The following B3GNT6 variants were observed in gnomAD, a reference collection of about 807,000 sequenced individuals.
B3GNT6 encodes acetylgalactosaminyl-O-glycosyl-glycoprotein beta-1,3-N-acetylglucosaminyltransferase.
For synonymous variants in B3GNT6, 300 were observed against 270.0 expected (o/e 1.11, Z -1.09); for missense variants, 624 against 568.6 (o/e 1.10, Z -0.99).
Position 77,040,327 on chromosome 11 carries a change from A to G in B3GNT6, c.776A>G (p.Asp259Gly). Residue 259 changes from aspartate (D) to glycine (G), a missense_variant, in exon 2 of 2, where the codon GAC becomes GGC. Transcript: ENST00000622824. ...QLMEGSVPIRDSWSKYFVPPQ... is the reference protein window; with the variant it reads ...QLMEGSVPIRGSWSKYFVPPQ... ...ATGGAGGGCTCCGTGCCCATCCGCG[A>G]CAGCTGGAGCAAGTACTTCGTGCCG... is the stretch of plus-strand genomic sequence containing the variant. 1.9e-6 allele frequency: 3 copies of G among 1,565,282 alleles called. No individual in the cohort carries two copies. Among genetic ancestry groups the G allele is most frequent in the Non-Finnish European group, 1.7e-6 (2 of 1,163,432 alleles).
chr11:77,037,860 C>A (rs1410785386), intron 1 of B3GNT6, among the ~76,000 whole-genome samples: 1 of 138,706 alleles, frequency 7.2e-6, no homozygotes. Context: ...CTGCAGTGAG[C>A]CACGATCACA....
rs1949683790 is a variant in B3GNT6, at chr11:77,041,103, G to A, written c.*397G>A. On this transcript the variant is annotated 3_prime_UTR_variant, in exon 2 of 2. Transcript: ENST00000622824. ...AGTGGAGCAAGGGAGACCTGGGAGCGTGGGAGCCAGGATCAGCGCCCCCTG... is the reference window on the plus strand; with the variant it reads ...AGTGGAGCAAGGGAGACCTGGGAGCATGGGAGCCAGGATCAGCGCCCCCTG... 5.0e-6 allele frequency: 1 copy of A among 198,874 alleles called. No homozygotes were observed. The highest frequency in any genetic ancestry group is 1.0e-5 in the Non-Finnish European group (1 of 99,540). 12.3% of individuals were successfully genotyped at this position (198,874 alleles called of 1,614,324 possible). A position where few individuals can be genotyped will look rare whatever the true frequency, so the allele number is the denominator to read the frequency against.
intron 1 of B3GNT6, among the ~76,000 whole-genome samples, chr11:77,034,687 A>G (rs1398188800): frequency 6.6e-6 from 1 of 152,168 alleles, no homozygotes; most frequent in African/African-American, 2.4e-5. Context: ...CCTAATAGCT[A>G]ATAAAAGGTT....
At chr11:77,036,834 T>A (rs1949636234) in intron 1 of B3GNT6, among the ~76,000 whole-genome samples, 1 of 152,198 alleles carries the variant, frequency 6.6e-6, no homozygotes, top group Admixed American at 6.5e-5. Context: ...GTGATCCCTA[T>A]CCTTAAAATG....
At chr11:77,037,253 G>A (rs1454909304) in intron 1 of B3GNT6, 2 of 152,214 alleles carry the variant, frequency 1.3e-5, no homozygotes, top group South Asian at 2.1e-4. Flanking sequence ...ATGTGAGGCG[G>A]GAATGTTAGT....
chr11:77,040,676 C>T lies in B3GNT6; in HGVS notation c.1125C>T (p.Leu375=). Residue 375 remains leucine (L), a synonymous_variant, in exon 2 of 2, where the codon CTC becomes CTT. Transcript: ENST00000622824. ...LMWKALHSPA[L]SCDRGHRVS Reference sequence around the variant, plus strand: ...GGAAGGCGCTGCACAGCCCCGCGCTCAGCTGTGACCGGGGACACCGGGTCT... The same window carrying T: ...GGAAGGCGCTGCACAGCCCCGCGCTTAGCTGTGACCGGGGACACCGGGTCT... 1 of 1,590,172 alleles carries T rather than the reference C, an allele frequency of 6.3e-7. No homozygotes were observed. Among genetic ancestry groups the T allele is most frequent in the Non-Finnish European group, 8.5e-7 (1 of 1,173,014 alleles).
Position 77,040,880 on chromosome 11 carries a change from C to T in B3GNT6, c.*174C>T. 3.6e-6 allele frequency: 4 copies of T among 1,122,678 alleles called. No individual in the cohort carries two copies. Among genetic ancestry groups the T allele is most frequent in the Non-Finnish European group, 4.8e-6 (4 of 837,508 alleles). 69.5% of individuals were successfully genotyped at this position (1,122,678 alleles called of 1,614,324 possible). On this transcript the variant is annotated 3_prime_UTR_variant, in exon 2 of 2. Transcript: ENST00000622824. The stretch of plus-strand genomic sequence containing the variant: ...AAATGCCTACATCCTGGCTCCATCT[C>T]CCGAAGTTTCGATTTGATTAGTCTG...
chr11:77,037,059 G>T (rs1291766710), intron 1 of B3GNT6: 2 of 152,534 alleles, frequency 1.3e-5, no homozygotes, highest in Admixed American at 6.5e-5. Context: ...GGTAGCAAGA[G>T]GTCTGGCAGT....
intron 1 of B3GNT6, among the ~76,000 whole-genome samples, chr11:77,038,269 G>T (rs931042559): frequency 2.5e-4 from 38 of 151,306 alleles, no homozygotes; most frequent in Non-Finnish European, 4.7e-4. Flanking sequence ...GTTTTAAGGA[G>T]GGAGAAGGAA....
In B3GNT6 at chr11:77,040,193, C is replaced by T; in HGVS notation, c.642C>T (p.His214=). 2 of 1,599,326 alleles carry T rather than the reference C, an allele frequency of 1.3e-6. No individual in the cohort carries two copies. Among genetic ancestry groups the T allele is most frequent in the Non-Finnish European group, 1.7e-6 (2 of 1,179,492 alleles). Residue 214 remains histidine (H), a synonymous_variant, in exon 2 of 2, where the codon CAC becomes CAT. Coordinates refer to ENST00000622824, the MANE Select transcript of B3GNT6 (RefSeq NM_138706.5). ...ACTGGCTGGCTGCACGCTGCCCGCA[C>T]GCGCGCTTTCTGCTCAGCGGCGACG... ...LLDWLAARCP[H]ARFLLSGDDD...
rs782511901 is a variant in B3GNT6, at chr11:77,039,548, A to C, written c.1-4A>C. The C allele has an allele frequency of 2.6e-6, 4 of 1,568,590 alleles. No individual in the cohort carries two copies. The East Asian group carries it at 6.9e-5, about 27-fold the overall frequency. On this transcript the variant is annotated splice_polypyrimidine_tract_variant and splice_region_variant and intron_variant, in intron 1 of 1. Transcript: ENST00000622824. ...GCTCACCTCTGACTCGGTTTCCCCC[A>C]CAGATGGCTTTTCCCTGCCGCAGGT...
chr11:77,040,359 C>G lies in B3GNT6; in HGVS notation c.808C>G (p.Leu270Val), dbSNP rs573066585. The change falls in exon 2 of 2, where the codon CTC becomes GTC. Residue 270 changes from leucine (L) to valine (V), a missense_variant. Physicochemically the swap from Leu to Val is conservative, Grantham distance 32. Coordinates refer to ENST00000622824, the MANE Select transcript of B3GNT6 (RefSeq NM_138706.5). ...GAGCAAGTACTTCGTGCCGCCGCAG[C>G]TCTTCCCCGGGTCCGCTTACCCGGT... ...SWSKYFVPPQLFPGSAYPVYC... is the reference protein window; with the variant it reads ...SWSKYFVPPQVFPGSAYPVYC... 3.2e-6 allele frequency: 5 copies of G among 1,540,428 alleles called. No homozygotes were observed. Among genetic ancestry groups the G allele is most frequent in the Non-Finnish European group, 4.4e-6 (5 of 1,149,308 alleles).
At chr11:77,038,898 GC>G (rs540345105) in intron 1 of B3GNT6, among the ~76,000 whole-genome samples, 84 of 152,250 alleles carry the variant, frequency 5.5e-4, no homozygotes, top group Non-Finnish European at 1.0e-3. Flanking sequence ...GCTCACAACA[GC>G]CCTGCAGTAG....
Position 77,040,395 on chromosome 11 carries a change from G to C in B3GNT6, c.844G>C (p.Gly282Arg). 6.5e-7 allele frequency: 1 copy of C among 1,532,572 alleles called. No individual in the cohort carries two copies. Among genetic ancestry groups the C allele is most frequent in the Non-Finnish European group, 8.7e-7 (1 of 1,145,114 alleles). 94.9% of individuals were successfully genotyped at this position (1,532,572 alleles called of 1,614,324 possible). The change falls in exon 2 of 2, where the codon GGC becomes CGC. Residue 282 changes from glycine (G) to arginine (R), a missense_variant. Transcript: ENST00000622824. ...GTCCGCTTACCCGGTGTACTGCAGC[G>C]GCGGCGGCTTCCTCCTGTCCGGCCC... ...PGSAYPVYCS[G>R]GGFLLSGPTA...
chr11:77,040,681 G>A lies in B3GNT6; in HGVS notation c.1130G>A (p.Cys377Tyr). The A allele has an allele frequency of 6.3e-7, 1 of 1,588,720 alleles. No individual in the cohort carries two copies. Among genetic ancestry groups the A allele is most frequent in the Non-Finnish European group, 8.5e-7 (1 of 1,172,260 alleles). The change falls in exon 2 of 2, where the codon TGT becomes TAT. Residue 377 changes from cysteine (C) to tyrosine (Y), a missense_variant. Transcript: ENST00000622824. ...WKALHSPALSCDRGHRVS is the reference protein window; with the variant it reads ...WKALHSPALSYDRGHRVS ...GCGCTGCACAGCCCCGCGCTCAGCT[G>A]TGACCGGGGACACCGGGTCTCCTGA...
Position 77,039,763 on chromosome 11 carries a change from TGGCGAACGCCTC to T in B3GNT6, c.223_234del (p.Ser75_Ala78del), listed in dbSNP as rs782352908. ...GAGCTCGTCCCCGGGCCCCCGTGCG[TGGCGAACGCCTC>T]GGCGAACGCCACGGCCGACTTCGAG... On this transcript the variant is annotated inframe_deletion, in exon 2 of 2. Transcript: ENST00000622824. 9.9e-5 allele frequency: 158 copies of T among 1,592,456 alleles called. No homozygotes were observed. The highest frequency in any genetic ancestry group is 4.1e-4 in the East Asian group (18 of 44,016).
At chr11:77,038,398 GAAA>G (rs372967129) in intron 1 of B3GNT6, among the ~76,000 whole-genome samples, 43,819 of 131,254 alleles carry the variant, frequency 0.33, 7,273 homozygotes, top group South Asian at 0.45. Flanking sequence ...CGTCTCTACA[GAAA>G]AAAAAAAAAA....
chr11:77,038,398 GAA>G (rs372967129), intron 1 of B3GNT6, among the ~76,000 whole-genome samples: 55,935 of 131,026 alleles, frequency 0.43, 13,052 homozygotes, highest in African/African-American at 0.67. Context: ...CGTCTCTACA[GAA>G]AAAAAAAAAA....
rs1432243644 is a variant in B3GNT6, at chr11:77,041,150, T to TTGTGATTTCCAC, written c.*448_*459dup. On this transcript the variant is annotated 3_prime_UTR_variant, in exon 2 of 2. Transcript: ENST00000622824. ...CCTGCCATGTGCCTACAAATGTCAG[T>TTGTGATTTCCAC]TGTGATTTCCACTGTTTACAAGTGA... is the stretch of plus-strand genomic sequence containing the variant. 6.0e-6 allele frequency: 1 copy of TTGTGATTTCCAC among 166,486 alleles called. No individual in the cohort carries two copies. Among genetic ancestry groups the TTGTGATTTCCAC allele is most frequent in the African/African-American group, 2.4e-5 (1 of 41,992 alleles). The allele number at this position is 166,486 out of a possible 1,614,324, so 10.3% of individuals were successfully genotyped here.
Sources: allele counts gnomAD v4.1 joint callset (sites outside exome capture counted in the v4.1 genomes callset), GRCh38; gene constraint gnomAD v4.1.1; transcripts MANE v1.5; gene names NCBI Gene and HGNC (gene_info 2026-07-23, HGNC 2026-07-21).